The following AP5Z1 variants were observed in gnomAD, a reference collection of about 807,000 sequenced individuals.
The protein encoded by AP5Z1 is AP-5 complex subunit zeta-1.
In AP5Z1, 106 loss-of-function variants were observed where a neutral mutation model predicts 83.0. That is an observed-to-expected ratio of 1.28 (90% CI 1.09 to 1.50). The LOEUF (loss-of-function observed/expected upper bound fraction) is 1.50. AP5Z1 is among the 40% of genes most tolerant of loss of function. The pLI, the probability that AP5Z1 is intolerant of heterozygous loss-of-function variation, is 0.00. For synonymous variants in AP5Z1, 751 were observed against 514.1 expected, an observed-to-expected ratio of 1.46 and a Z score of -6.23; for missense variants, 1,565 against 1,094.2, an observed-to-expected ratio of 1.43 and a Z score of -6.07.
chr7:4,788,798 G>C, intron 12 of AP5Z1, 42 bp from the exon 13 acceptor site: 1 of 1,512,894 alleles, frequency 6.6e-7, no homozygotes. Context: ...CAGTCACCAG[G>C]TCGGGGAGCG....
chr7:4,779,828 G>T (rs1781332938), intron 1 of AP5Z1, among the ~76,000 whole-genome samples: 2 of 151,872 alleles, frequency 1.3e-5, no homozygotes, highest in Admixed American at 1.3e-4. Flanking sequence ...ATTTTTAGTA[G>T]AAACGGGGTT....
At position 4,787,775 on chromosome 7, in the gene AP5Z1, A is replaced by C. The variant is rs774933471; in HGVS notation, c.1453A>C (p.Arg485=). 6.5e-7 allele frequency: 1 copy of C among 1,531,968 alleles called. No individual in the cohort carries two copies. Among genetic ancestry groups the C allele is most frequent in the Middle Eastern group, 2.1e-4 (1 of 4,874 alleles). 94.9% of individuals were successfully genotyped at this position (1,531,968 alleles called of 1,614,324 possible). A position where few individuals can be genotyped will look rare whatever the true frequency, so the allele number is the denominator to read the frequency against. ...CLTAVLDLQL[R]SAPAASERPL... ...GACGGCGGTGCTGGACCTGCAGCTC[A>C]GGTGGGCCCCTCACCCTCTGCCAGC... Residue 485 remains arginine (R), a splice_region_variant and synonymous_variant, in exon 11 of 17, where the codon AGG becomes CGG. Transcript: ENST00000649063.
Position 4,792,462 on chromosome 7 carries a change from C to T in AP5Z1, c.*1077C>T, listed in dbSNP as rs1583245479. 6.6e-6 allele frequency: 1 copy of T among 152,384 alleles called. No homozygotes were observed. Among genetic ancestry groups the T allele is most frequent in the East Asian group, 1.9e-4 (1 of 5,188 alleles). The allele number at this position is 152,384 out of a possible 1,614,324, so 9.4% of individuals were successfully genotyped here. ...TGCAGGGTCCTGCCCCTTGCCCAGC[C>T]TCAGGACTATGGAGGGGGCGAGTGA... On this transcript the variant is annotated 3_prime_UTR_variant, in exon 17 of 17. Coordinates refer to ENST00000649063, the MANE Select transcript of AP5Z1 (RefSeq NM_014855.3).
At position 4,786,635 on chromosome 7, in the gene AP5Z1, T is replaced by C. The variant is rs200470935; in HGVS notation, c.1311+207T>C. ...TTGACGGTGCTGTCCAAGAACTCCC[T>C]TGTGGGTGTTTTGGAGAGGGGGCTG... On this transcript the variant is annotated intron_variant, in intron 10 of 16. Coordinates refer to ENST00000649063, the MANE Select transcript of AP5Z1 (RefSeq NM_014855.3). 3.3e-5 allele frequency among the ~76,000 whole-genome samples: 5 copies of C among 152,238 alleles called. No individual in the cohort carries two copies. In the East Asian group the frequency reaches 9.7e-4, roughly 29 times the overall value.
rs182121550 is a variant in AP5Z1 at position 4,780,691 on chromosome 7, C to T, written c.42-484C>T. ...TGAGGCAGGAGAATTGCTTGAACCC[C>T]GGAGGCGAAGGTTGCAGTGAGCCGA... On this transcript the variant is annotated intron_variant, in intron 1 of 16. Transcript: ENST00000649063. 2.0e-4 allele frequency among the ~76,000 whole-genome samples: 30 copies of T among 152,140 alleles called. No individual in the cohort carries two copies. In the East Asian group the frequency reaches 5.8e-3, roughly 29 times the overall value.
At position 4,790,123 on chromosome 7, in the gene AP5Z1, T is replaced by TCC. The variant is rs1781708909; in HGVS notation, c.1805+196_1805+197dup. On this transcript the variant is annotated intron_variant, in intron 14 of 16. Coordinates refer to ENST00000649063, the MANE Select transcript of AP5Z1 (RefSeq NM_014855.3). ...ACTTCTCTCTGCTTCTCAAGAACAT[T>TCC]CCCGTCCTTCTTTCTGCCGAGCCTG... 4.4e-5 allele frequency: 62 copies of TCC among 1,407,398 alleles called. No individual in the cohort carries two copies. In the South Asian group the frequency reaches 8.0e-4, roughly 18 times the overall value. The allele number at this position is 1,407,398 out of a possible 1,614,324, so 87.2% of individuals were successfully genotyped here.
rs146682319 is a variant in AP5Z1, at chr7:4,781,259, C to A, written c.126C>A (p.Leu42=). ...LQAEDLGPDT[L]DSLQRLFLII... is the part of the protein sequence containing the mutation. ...CGGAGGACTTGGGGCCGGACACCCTCGACTCCCTGCAGAGGCTCTTCCTCA... is the reference window on the plus strand; with the variant it reads ...CGGAGGACTTGGGGCCGGACACCCTAGACTCCCTGCAGAGGCTCTTCCTCA... The change falls in exon 2 of 17, where the codon CTC becomes CTA. Residue 42 remains leucine, a synonymous_variant. Coordinates refer to ENST00000649063, the MANE Select transcript of AP5Z1 (RefSeq NM_014855.3). 1 of 1,613,730 alleles carries A rather than the reference C, an allele frequency of 6.2e-7. No individual in the cohort carries two copies. The highest frequency in any genetic ancestry group is 8.5e-7 in the Non-Finnish European group (1 of 1,179,828).
rs1170681129 is a variant in AP5Z1 at position 4,789,860 on chromosome 7, T to A, written c.1736T>A (p.Leu579Gln). Reference protein sequence around the residue: ...QVADGSLINQLALLLLGRSDS... With the variant: ...QVADGSLINQQALLLLGRSDS... ...GCTGACGGGTCCCTGATCAACCAGC[T>A]GGCGCTGCTGCTCCTGGGCAGGAGC... The change falls in exon 14 of 17, where the codon CTG (leucine) becomes CAG (glutamine). Residue 579 changes from leucine (L) to glutamine (Q), a missense_variant. By Grantham distance (113) the Leu-to-Gln change is moderately radical. Coordinates refer to ENST00000649063, the MANE Select transcript of AP5Z1 (RefSeq NM_014855.3). 1 of 1,552,652 alleles carries A rather than the reference T, an allele frequency of 6.4e-7. No homozygotes were observed. Among genetic ancestry groups the A allele is most frequent in the Admixed American group, 1.9e-5 (1 of 51,348 alleles).
Position 4,785,580 on chromosome 7 carries a change from T to G in AP5Z1, c.1028T>G (p.Leu343Arg). Reference sequence around the variant, plus strand: ...CTGTGCCGGCAGGACCCGTCCTTCCTGTACCGAAGTCTCTCCTGCCTGAAG... The same window carrying G: ...CTGTGCCGGCAGGACCCGTCCTTCCGGTACCGAAGTCTCTCCTGCCTGAAG... The part of the protein sequence containing the change: ...DVLCRQDPSF[L>R]YRSLSCLKAL... Residue 343 changes from leucine to arginine, a missense_variant, in exon 9 of 17, where the codon CTG becomes CGG. By Grantham distance (102) the Leu-to-Arg change is moderately radical. Transcript: ENST00000649063. 1 of 1,606,336 alleles carries G rather than the reference T, an allele frequency of 6.2e-7. No homozygotes were observed. The highest frequency in any genetic ancestry group is 1.1e-5 in the South Asian group (1 of 89,890).
intron 1 of AP5Z1, among the ~76,000 whole-genome samples, chr7:4,778,895 T>A (rs1396892845): frequency 1.4e-5 from 2 of 145,510 alleles, no homozygotes; most frequent in Admixed American, 7.0e-5. Flanking sequence ...ATAAAAAAAA[T>A]TCACTGGGCT....
chr7:4,788,222 C>G lies in AP5Z1; in HGVS notation c.1523C>G (p.Ala508Gly), dbSNP rs370879999. The G allele has an allele frequency of 1.3e-4, 203 of 1,570,994 alleles. 1 individual carries two copies. The African/African-American group carries it at 2.5e-3, about 19-fold the overall frequency. Reference sequence around the variant, plus strand: ...CTCAGGGCCCCCAGCTGCCTGGAGGCCTTCCGGGACCCGCAGTTCCAGGGT... The same window carrying G: ...CTCAGGGCCCCCAGCTGCCTGGAGGGCTTCCGGGACCCGCAGTTCCAGGGT... ...TSLRAPSCLE[A>G]FRDPQFQGLF... The change falls in exon 12 of 17, where the codon GCC becomes GGC. Residue 508 changes from alanine to glycine, a missense_variant. Ala to Gly is a moderately conservative substitution (Grantham distance 60, BLOSUM62 0). Coordinates refer to ENST00000649063, the MANE Select transcript of AP5Z1 (RefSeq NM_014855.3).
At chr7:4,784,433 C>T (rs558577123) in intron 6 of AP5Z1, 62 bp downstream of exon 6, 108 of 1,510,058 alleles carry the variant, frequency 7.2e-5, no homozygotes, top group Middle Eastern at 6.8e-4. Context: ...ATGGGTTGGT[C>T]GCAGGGGGAC....
In AP5Z1 at chr7:4,790,404, G is replaced by C. The variant is rs747094885; in HGVS notation, c.1806-55G>C. ...GTTTCTCCAGGCCCTTGGCCTGGAT[G>C]GGGATGGGGTCATAGGTCTGCACAG... On this transcript the variant is annotated intron_variant, in intron 14 of 16. Transcript: ENST00000649063. 7.4e-6 allele frequency: 12 copies of C among 1,611,578 alleles called. No individual in the cohort carries two copies. In the East Asian group the frequency reaches 2.7e-4, roughly 36 times the overall value.
rs765398382 is a variant in AP5Z1, at chr7:4,791,297, A to G, written c.2336A>G (p.Tyr779Cys). ...AGCACGGAGGTGTGCAGCCCCCGCT[A>G]TCACCGCGATGCCAACACGGCCCTG... The part of the protein sequence containing the change: ...TPSTEVCSPR[Y>C]HRDANTALPL... Residue 779 changes from tyrosine to cysteine, a missense_variant, in exon 17 of 17, where the codon TAT (tyrosine) becomes TGT (cysteine). Coordinates refer to ENST00000649063, the MANE Select transcript of AP5Z1 (RefSeq NM_014855.3). 2 of 1,612,450 alleles carry G rather than the reference A, an allele frequency of 1.2e-6. No individual in the cohort carries two copies. Among genetic ancestry groups the G allele is most frequent in the South Asian group, 2.2e-5 (2 of 91,024 alleles).
chr7:4,791,049 C>A, intron 16 of AP5Z1, 66 bp from the exon 17 acceptor site: 1 of 1,494,968 alleles, frequency 6.7e-7, no homozygotes, highest in East Asian at 2.4e-5. Context: ...GGCCTGGCCC[C>A]TCCACACAGA....
At position 4,786,630 on chromosome 7, in the gene AP5Z1, C is replaced by A. The variant is rs112745897; in HGVS notation, c.1311+202C>A. On this transcript the variant is annotated intron_variant, in intron 10 of 16. Transcript: ENST00000649063. ...CGTGATTGACGGTGCTGTCCAAGAA[C>A]TCCCTTGTGGGTGTTTTGGAGAGGG... Among the ~76,000 whole-genome samples the A allele has an allele frequency of 7.2e-5, 11 of 152,294 alleles. 1 individual carries two copies. The highest frequency in any genetic ancestry group is 2.6e-4 in the African/African-American group (11 of 41,574).
chr7:4,780,522 T>A (rs922665515), intron 1 of AP5Z1, among the ~76,000 whole-genome samples: 1 of 152,014 alleles, frequency 6.6e-6, no homozygotes, highest in African/African-American at 2.4e-5. Flanking sequence ...CCCAGCACTT[T>A]GGGAGGCCGA....
intron 3 of AP5Z1, 23 bp from the exon 4 acceptor site, chr7:4,783,293 C>T (rs748665957): frequency 1.7e-5 from 27 of 1,582,186 alleles, no homozygotes; most frequent in East Asian, 2.3e-5. Context: ...AGTACCCCAG[C>T]GTTTGCCCTG....
In AP5Z1 at chr7:4,788,335, G is replaced by A. The variant is rs1477251159; in HGVS notation, c.1595+41G>A. The A allele has an allele frequency of 2.6e-6, 4 of 1,530,190 alleles. No homozygotes were observed. In the African/African-American group the frequency reaches 4.1e-5, roughly 16 times the overall value. The allele number at this position is 1,530,190 out of a possible 1,614,324, so 94.8% of individuals were successfully genotyped here. A position where few individuals can be genotyped will look rare whatever the true frequency, so the allele number is the denominator to read the frequency against. On this transcript the variant is annotated intron_variant, in intron 12 of 16. Transcript: ENST00000649063. ...GCCAGGGGGCCACCAGTGGCTCAGA[G>A]AGCCCGGCCACAGCCACTGGGGTGG... is the stretch of plus-strand genomic sequence containing the variant.
Sources: allele counts gnomAD v4.1 joint callset (sites outside exome capture counted in the v4.1 genomes callset), GRCh38; gene constraint gnomAD v4.1.1; transcripts MANE v1.5; gene names NCBI Gene and HGNC (gene_info 2026-07-23, HGNC 2026-07-21).